STON2: variants seen among roughly 807,000 people sequenced by gnomAD.
STON2 encodes the protein stonin 2, also known as stonin-2.
STON2 carries 29 observed loss-of-function variants against 65.7 expected under a neutral mutation model. The ratio of observed to expected loss-of-function variants is 0.44; its 90% CI spans 0.33 to 0.60. The LOEUF (loss-of-function observed/expected upper bound fraction) is 0.60, where lower values mean the gene tolerates loss of function less well. Among genes scored for constraint, STON2 ranks in the 20% least tolerant of loss-of-function variants. The pLI is 0.03. For missense variants in STON2, 1,054 were observed against 1,118.1 expected (o/e 0.94, Z 0.82); for synonymous variants, 404 against 414.2 (o/e 0.98, Z 0.30).
intron 3 of STON2, among the ~76,000 whole-genome samples, chr14:81,387,014 T>C (rs145117552): frequency 2.4e-4 from 37 of 152,298 alleles, no homozygotes; most frequent in African/African-American, 8.9e-4. Flanking sequence ...TATATGTTAA[T>C]CAAACTTTTT....
chr14:81,286,933 A>G (rs1895354908), intron 5 of STON2, among the ~76,000 whole-genome samples: 1 of 152,230 alleles, frequency 6.6e-6, no homozygotes, highest in Non-Finnish European at 1.5e-5. Flanking sequence ...ATGCTTGTTC[A>G]TTAAGCTAAA....
chr14:81,275,720 C>G (rs1894787168), intron 6 of STON2, among the ~76,000 whole-genome samples: 1 of 152,150 alleles, frequency 6.6e-6, no homozygotes, highest in South Asian at 2.1e-4. Flanking sequence ...ATAGCTACAC[C>G]CAGTGTCTGA....
intron 4 of STON2, among the ~76,000 whole-genome samples, chr14:81,352,659 G>A (rs1398819097): frequency 6.6e-6 from 1 of 152,190 alleles, no homozygotes; most frequent in Admixed American, 6.5e-5. Flanking sequence ...TGTGACTCTG[G>A]CATTGGTGTC....
At chr14:81,302,380 C>G (rs904637044) in intron 5 of STON2, among the ~76,000 whole-genome samples, 6 of 152,226 alleles carry the variant, frequency 3.9e-5, no homozygotes, top group African/African-American at 1.2e-4. Flanking sequence ...TGGAAAGTCT[C>G]ACTTGGATCC....
At chr14:81,306,013 C>G (rs1047791580) in intron 5 of STON2, among the ~76,000 whole-genome samples, 2 of 151,862 alleles carry the variant, frequency 1.3e-5, no homozygotes, top group Admixed American at 1.3e-4. Context: ...CTAGCTCTGG[C>G]CTTTTCTGAG....
At chr14:81,391,141 A>G (rs1306709222) in intron 3 of STON2, among the ~76,000 whole-genome samples, 2 of 152,158 alleles carry the variant, frequency 1.3e-5, no homozygotes, top group African/African-American at 2.4e-5. Flanking sequence ...CCCAAATATG[A>G]TAATATTTAT....
chr14:81,319,779 TCA>T (rs1896756190), intron 5 of STON2, among the ~76,000 whole-genome samples: 1 of 152,182 alleles, frequency 6.6e-6, no homozygotes, highest in Non-Finnish European at 1.5e-5. Context: ...TAAAAATGTC[TCA>T]GAGTAATGCT....
intron 2 of STON2, chr14:81,413,084 G>A: frequency 2.8e-6 from 3 of 1,077,310 alleles, no homozygotes; most frequent in Non-Finnish European, 4.1e-6. Context: ...GAGGAACACT[G>A]TGGCTCATAT....
chr14:81,347,902 C>CA (rs755109204), intron 4 of STON2, among the ~76,000 whole-genome samples: 2,049 of 51,290 alleles, frequency 0.04, 85 homozygotes, highest in South Asian at 0.058. Flanking sequence ...TGTCTCTTAC[C>CA]AAAAAAAAAA....
At chr14:81,286,798 A>G (rs765652249) in intron 5 of STON2, among the ~76,000 whole-genome samples, 2 of 152,230 alleles carry the variant, frequency 1.3e-5, no homozygotes, top group Non-Finnish European at 2.9e-5. Flanking sequence ...GATTTCAGAA[A>G]TAGTAAAACT....
At chr14:81,303,316 C>T (rs1896043391) in intron 5 of STON2, among the ~76,000 whole-genome samples, 1 of 152,172 alleles carries the variant, frequency 6.6e-6, no homozygotes, top group Non-Finnish European at 1.5e-5. Flanking sequence ...GAGCCTGACA[C>T]ACAGCAGGCA....
In STON2 at chr14:81,418,534, C is replaced by T. The variant is rs111841304; in HGVS notation, c.-199+8568G>A. Among the ~76,000 whole-genome samples the T allele has an allele frequency of 2.0e-3, 308 of 152,250 alleles. 3 individuals carry two copies. Among genetic ancestry groups the T allele is most frequent in the African/African-American group, 7.2e-3 (300 of 41,562 alleles). On this transcript the variant is annotated intron_variant, in intron 2 of 8. Transcript: ENST00000553821. ...ACCCAGATTACAGTTTAAAGCTTAA[C>T]GACTCTTAATACAGCTTTGTAAAAA...
intron 4 of STON2, among the ~76,000 whole-genome samples, chr14:81,341,893 CCAA>C (rs1897628279): frequency 6.6e-6 from 1 of 152,064 alleles, no homozygotes. Context: ...CCATTTATAC[CCAA>C]CAAGGGTCAC....
chr14:81,296,857 T>C (rs574975005), intron 5 of STON2, among the ~76,000 whole-genome samples: 1 of 152,296 alleles, frequency 6.6e-6, no homozygotes, highest in East Asian at 1.9e-4. Flanking sequence ...CTAAAATATT[T>C]AGAGAGGAAG....
intron 5 of STON2, among the ~76,000 whole-genome samples, chr14:81,284,008 G>A (rs1895236090): frequency 1.3e-5 from 2 of 152,140 alleles, no homozygotes; most frequent in Admixed American, 6.5e-5. Flanking sequence ...TGATACTATT[G>A]TAACTGTTTT....
At chr14:81,283,583 T>G (rs1895213485) in intron 5 of STON2, among the ~76,000 whole-genome samples, 1 of 146,280 alleles carries the variant, frequency 6.8e-6, no homozygotes. Flanking sequence ...CAAGCTGGAA[T>G]GCAGTGGCGC....
At position 81,421,280 on chromosome 14, in the gene STON2, C is replaced by T. The variant is rs750671046; in HGVS notation, c.-199+5822G>A. Among the ~76,000 whole-genome samples, 11 of 152,212 alleles carry T rather than the reference C, an allele frequency of 7.2e-5. No individual in the cohort carries two copies. The South Asian group carries it at 8.3e-4, about 11-fold the overall frequency. ...CTGAACTATAGGTGATTTACTTTGA[C>T]GAAGCAATGAGCCAGAAGGAGAAAA... On this transcript the variant is annotated intron_variant, in intron 2 of 8. Transcript: ENST00000553821.
At chr14:81,380,897 T>C (rs549154074) in intron 3 of STON2, among the ~76,000 whole-genome samples, 1 of 152,038 alleles carries the variant, frequency 6.6e-6, no homozygotes, top group South Asian at 2.1e-4. Context: ...GGGTGAAAAA[T>C]TATCTGTAGA....
At chr14:81,295,678 A>G (rs1450283880) in intron 5 of STON2, among the ~76,000 whole-genome samples, 1 of 152,242 alleles carries the variant, frequency 6.6e-6, no homozygotes, top group African/African-American at 2.4e-5. Flanking sequence ...GCCTCCAATG[A>G]AAACGACTCA....
Sources: gnomAD v4.1 joint callset for allele counts (sites outside exome capture counted in the v4.1 genomes callset) on GRCh38, gnomAD v4.1.1 for gene constraint, MANE v1.5 for transcripts, NCBI Gene and HGNC (gene_info 2026-07-23, HGNC 2026-07-21) for gene names.